The following DDX6 variants were observed in gnomAD, a reference collection of about 807,000 sequenced individuals.
DDX6 encodes the protein DEAD-box helicase 6, also known as probable ATP-dependent RNA helicase DDX6.
A neutral mutation model predicts 60.6 loss-of-function variants in DDX6; 7 were observed. That is an observed-to-expected ratio of 0.12 (90% CI 0.07 to 0.22). DDX6 has a LOEUF of 0.22. Ranked by LOEUF, DDX6 falls within the 10% of genes least tolerant of loss-of-function variation. The pLI is 1.00. For synonymous variants in DDX6, 207 were observed against 201.0 expected, an observed-to-expected ratio of 1.03 and a Z score of -0.25; for missense variants, 270 against 589.9, an observed-to-expected ratio of 0.46 and a Z score of 5.62.
intron 4 of DDX6, among the ~76,000 whole-genome samples, chr11:118,778,036 A>C (rs2137522247): frequency 6.6e-6 from 1 of 152,214 alleles, no homozygotes; most frequent in African/African-American, 2.4e-5. Context: ...AAAAATTGAA[A>C]AAAATTGAAA....
At chr11:118,753,116 C>T (rs868929375) in intron 13 of DDX6, among the ~76,000 whole-genome samples, 2 of 152,142 alleles carry the variant, frequency 1.3e-5, no homozygotes, top group Non-Finnish European at 1.5e-5. Flanking sequence ...GCAACCTCTG[C>T]CTCCCAGGTT....
intron 7 of DDX6, 128 bp downstream of exon 7, chr11:118,763,084 A>T (rs1861229622): frequency 3.3e-6 from 2 of 600,198 alleles, no homozygotes; most frequent in Non-Finnish European, 5.7e-6. Context: ...TAAGCAAATT[A>T]ATTTAAACTG....
At position 118,781,121 on chromosome 11, in the gene DDX6, C is replaced by T. The variant is rs781874399; in HGVS notation, c.264G>A (p.Ser88=). The change falls in exon 3 of 14, where the codon TCG becomes TCA. Residue 88 remains serine (S), a splice_region_variant and synonymous_variant. Coordinates refer to ENST00000534980, the MANE Select transcript of DDX6 (RefSeq NM_004397.6). ...TACTTGTATTTTACAACCAACTTAC[C>T]GAAGTTTTGATTCTTAGATCCTTTG... The part of the protein sequence containing the change: ...LPPKDLRIKT[S]DVTSTKGNEF... 4.4e-6 allele frequency: 7 copies of T among 1,595,680 alleles called. No individual in the cohort carries two copies. The highest frequency in any genetic ancestry group is 1.1e-5 in the South Asian group (1 of 89,146).
intron 1 of DDX6, chr11:118,789,243 A>T (rs545614997): frequency 6.6e-6 from 1 of 151,246 alleles, no homozygotes; most frequent in Non-Finnish European, 1.5e-5. Flanking sequence ...GCGCAGCTAA[A>T]TTTTTTCTAT....
At chr11:118,755,111 T>C (rs1387812175) in intron 12 of DDX6, among the ~76,000 whole-genome samples, 1 of 152,162 alleles carries the variant, frequency 6.6e-6, no homozygotes, top group African/African-American at 2.4e-5. Context: ...AATGACAAAA[T>C]GGCAGTCAAA....
chr11:118,768,010 T>C (rs1861413482), intron 5 of DDX6: 1 of 496,666 alleles, frequency 2.0e-6, no homozygotes, highest in Non-Finnish European at 3.5e-6. Context: ...GTGTATCATA[T>C]AAGAATACTC....
At chr11:118,758,418 AG>A (rs1313886345) in intron 9 of DDX6, among the ~76,000 whole-genome samples, 2 of 151,524 alleles carry the variant, frequency 1.3e-5, no homozygotes, top group Non-Finnish European at 2.9e-5. Context: ...TGTCGCCCAG[AG>A]CTGGAGTGCA....
At chr11:118,765,832 C>T (rs1378273185) in intron 5 of DDX6, among the ~76,000 whole-genome samples, 1 of 151,484 alleles carries the variant, frequency 6.6e-6, no homozygotes, top group Non-Finnish European at 1.5e-5. Context: ...TACCTATAAG[C>T]CCAGCACTTT....
chr11:118,756,364 T>C lies in DDX6; in HGVS notation c.1111-41A>G, dbSNP rs200427531. 9,116 of 1,469,912 alleles carry C rather than the reference T, an allele frequency of 6.2e-3. 45 individuals are homozygous for C. Among genetic ancestry groups the C allele is most frequent in the Non-Finnish European group, 7.8e-3 (8,239 of 1,050,246 alleles). The allele number at this position is 1,469,912 out of a possible 1,614,324, so 91.1% of individuals were successfully genotyped here. Reference sequence around the variant, plus strand: ...GTATTCCATTTGATTAACACTCATATACAGCCCCAAATTTCCCATAATTAT... The same window carrying C: ...GTATTCCATTTGATTAACACTCATACACAGCCCCAAATTTCCCATAATTAT... On this transcript the variant is annotated intron_variant, in intron 10 of 13. Transcript: ENST00000534980.
chr11:118,783,761 C>T (rs1402857277), intron 2 of DDX6, among the ~76,000 whole-genome samples: 4 of 139,482 alleles, frequency 2.9e-5, no homozygotes, highest in Non-Finnish European at 4.5e-5. Flanking sequence ...GAGTCGAGAT[C>T]ACACCATTGC....
At chr11:118,778,615 T>C (rs931490754) in intron 4 of DDX6, among the ~76,000 whole-genome samples, 2 of 152,128 alleles carry the variant, frequency 1.3e-5, no homozygotes, top group African/African-American at 4.8e-5. Context: ...TGTATTTGTA[T>C]GGTCTTAAAA....
intron 4 of DDX6, among the ~76,000 whole-genome samples, chr11:118,779,077 G>T (rs1861797869): frequency 6.8e-6 from 1 of 147,044 alleles, no homozygotes; most frequent in South Asian, 2.1e-4. Context: ...GATCACTTGA[G>T]CCCATGAGGT....
chr11:118,762,048 T>G (rs1436060120), intron 7 of DDX6, among the ~76,000 whole-genome samples: 1 of 151,840 alleles, frequency 6.6e-6, no homozygotes, highest in Admixed American at 6.6e-5. Flanking sequence ...GCTGAGGCAG[T>G]AGGATCACCT....
rs193115497 is a variant in DDX6, at chr11:118,748,046, A to G, written c.*4059T>C. On this transcript the variant is annotated 3_prime_UTR_variant, in exon 14 of 14. Coordinates refer to ENST00000534980, the MANE Select transcript of DDX6 (RefSeq NM_004397.6). ...GCTAGGGACATTGGAATTCTCTACCATTTTTACTGAACAAAAAATAATTTT... is the reference window on the plus strand; with the variant it reads ...GCTAGGGACATTGGAATTCTCTACCGTTTTTACTGAACAAAAAATAATTTT... 1 of 152,012 alleles carries G rather than the reference A, an allele frequency of 6.6e-6. No homozygotes were observed. The highest frequency in any genetic ancestry group is 1.9e-4 in the East Asian group (1 of 5,172). The allele number at this position is 152,012 out of a possible 1,614,324, so 9.4% of individuals were successfully genotyped here. A position where few individuals can be genotyped will look rare whatever the true frequency, so the allele number is the denominator to read the frequency against.
At chr11:118,770,024 AT>A (rs1472752773) in intron 4 of DDX6, among the ~76,000 whole-genome samples, 5 of 146,828 alleles carry the variant, frequency 3.4e-5, no homozygotes, top group African/African-American at 1.0e-4. Flanking sequence ...TGGAATTTTA[AT>A]TTTTTTTCTT....
intron 4 of DDX6, among the ~76,000 whole-genome samples, chr11:118,770,386 T>C (rs1476144434): frequency 6.6e-6 from 1 of 152,178 alleles, no homozygotes. Context: ...CACTGACATT[T>C]GTCCCTTCTA....
At chr11:118,786,699 C>T (rs1259503858) in intron 1 of DDX6, 181 bp from the exon 2 acceptor site, 1 of 165,966 alleles carries the variant, frequency 6.0e-6, no homozygotes, top group Non-Finnish European at 1.3e-5. Flanking sequence ...CTCAAAAACA[C>T]AATGAGGCCA....
chr11:118,781,427 T>C (rs868967902), intron 2 of DDX6, among the ~76,000 whole-genome samples: 1 of 152,204 alleles, frequency 6.6e-6, no homozygotes, highest in African/African-American at 2.4e-5. Context: ...TTGTATACAG[T>C]GTAACTGTTG....
chr11:118,753,473 G>C (rs1380053042), intron 13 of DDX6, among the ~76,000 whole-genome samples: 1 of 151,476 alleles, frequency 6.6e-6, no homozygotes, highest in Non-Finnish European at 1.5e-5. Context: ...CCGAGTAGCT[G>C]GGACTACAGG....
Sources: gnomAD v4.1 joint callset for allele counts (sites outside exome capture counted in the v4.1 genomes callset) on GRCh38, gnomAD v4.1.1 for gene constraint, MANE v1.5 for transcripts, NCBI Gene and HGNC (gene_info 2026-07-23, HGNC 2026-07-21) for gene names.